GALK2: variants seen among roughly 807,000 people sequenced by gnomAD.
GALK2 encodes galactokinase 2, also known as N-acetylgalactosamine kinase.
A neutral mutation model predicts 52.4 loss-of-function variants in GALK2; 36 were observed. That is an observed-to-expected ratio of 0.69 (90% CI 0.53 to 0.91). The LOEUF (loss-of-function observed/expected upper bound fraction) is 0.91. Ranked by LOEUF, GALK2 falls within the 40% of genes least tolerant of loss-of-function variation. The probability of loss-of-function intolerance (pLI) is 0.00; values close to 1 mark genes in which losing one functional copy is unlikely to be tolerated. For missense variants in GALK2, 579 were observed against 559.1 expected (o/e 1.04, Z -0.36); for synonymous variants, 176 against 199.1 (o/e 0.88, Z 0.98).
intron 5 of GALK2, among the ~76,000 whole-genome samples, chr15:49,277,805 AC>A (rs1397864653): frequency 1.3e-5 from 2 of 151,934 alleles, no homozygotes; most frequent in Non-Finnish European, 2.9e-5. Context: ...AAACAAACGA[AC>A]AAACAAAAAA....
At chr15:49,182,065 A>G (rs1342698494) in intron 1 of GALK2, among the ~76,000 whole-genome samples, 1 of 152,128 alleles carries the variant, frequency 6.6e-6, no homozygotes, top group Non-Finnish European at 1.5e-5. Flanking sequence ...AATAACTGTT[A>G]TGCTGTCAAA....
chr15:49,315,389 C>T (rs2036318045), intron 8 of GALK2, among the ~76,000 whole-genome samples: 1 of 152,154 alleles, frequency 6.6e-6, no homozygotes, highest in Non-Finnish European at 1.5e-5. Context: ...CTGGAACATC[C>T]AGCTATAATG....
chr15:49,250,722 C>A (rs561481845), intron 5 of GALK2, among the ~76,000 whole-genome samples: 9 of 152,140 alleles, frequency 5.9e-5, no homozygotes, highest in African/African-American at 9.7e-5. Flanking sequence ...CCAGCCCTAA[C>A]ATTCTGTGAT....
chr15:49,163,712 C>T (rs1335415263), intron 1 of GALK2, among the ~76,000 whole-genome samples: 1 of 152,054 alleles, frequency 6.6e-6, no homozygotes, highest in Non-Finnish European at 1.5e-5. Context: ...CAATTATTTC[C>T]ATTTATTCAT....
chr15:49,247,211 G>A (rs2141548922), intron 5 of GALK2, among the ~76,000 whole-genome samples: 1 of 152,116 alleles, frequency 6.6e-6, no homozygotes, highest in East Asian at 1.9e-4. Context: ...CCTGTGGTTG[G>A]GGTGTGGTGA....
At chr15:49,264,603 C>G (rs545443983) in intron 5 of GALK2, among the ~76,000 whole-genome samples, 39 of 152,286 alleles carry the variant, frequency 2.6e-4, no homozygotes, top group Admixed American at 2.0e-3. Context: ...CAGCTTTGTT[C>G]CATTGCTGGT....
chr15:49,259,908 A>T (rs1451579268), intron 5 of GALK2, among the ~76,000 whole-genome samples: 13 of 151,366 alleles, frequency 8.6e-5, no homozygotes, highest in African/African-American at 2.9e-4. Context: ...AAGGATATGA[A>T]CTCATCATTT....
At chr15:49,191,878 C>A (rs905241966) in intron 1 of GALK2, among the ~76,000 whole-genome samples, 14 of 151,202 alleles carry the variant, frequency 9.3e-5, no homozygotes, top group African/African-American at 3.4e-4. Flanking sequence ...TTTTTCCATA[C>A]TTTTAATTTA....
At chr15:49,168,665 C>G (rs188620696), upstream of GALK2, among the ~76,000 whole-genome samples, 1 of 150,016 alleles carries the variant, frequency 6.7e-6, no homozygotes, top group African/African-American at 2.5e-5. Flanking sequence ...TTGTAGTGAA[C>G]AGAGATCATG....
chr15:49,204,671 T>A (rs1274674486), intron 2 of GALK2, among the ~76,000 whole-genome samples: 1 of 152,166 alleles, frequency 6.6e-6, no homozygotes, highest in Non-Finnish European at 1.5e-5. Flanking sequence ...ATTTTAAAAA[T>A]TTTTTCAAAG....
intron 5 of GALK2, among the ~76,000 whole-genome samples, chr15:49,264,108 C>T (rs1175722102): frequency 2.6e-5 from 4 of 151,534 alleles, no homozygotes; most frequent in African/African-American, 2.4e-5. Flanking sequence ...TGAATCTGAA[C>T]GTTGGCCTGC....
downstream of GALK2, among the ~76,000 whole-genome samples, chr15:49,334,610 T>A (rs920729743): frequency 6.6e-6 from 1 of 152,064 alleles, no homozygotes; most frequent in East Asian, 1.9e-4. Flanking sequence ...TGTGTGGACG[T>A]ACACATGCGT....
chr15:49,197,035 C>T lies in GALK2; in HGVS notation c.54-4127C>T, dbSNP rs1005305886. Among the ~76,000 whole-genome samples the T allele has an allele frequency of 1.7e-4, 26 of 152,170 alleles. 1 individual carries two copies. The highest frequency in any genetic ancestry group is 3.1e-4 in the Non-Finnish European group (21 of 68,032). Reference sequence around the variant, plus strand: ...CCAGGAGTTCTAGGCTGCAGCGAGCCGTGATCATGCCACTGCCCATTGAAC... The same window carrying T: ...CCAGGAGTTCTAGGCTGCAGCGAGCTGTGATCATGCCACTGCCCATTGAAC... On this transcript the variant is annotated intron_variant, in intron 1 of 9. Transcript: ENST00000560031.
upstream of GALK2, chr15:49,170,178 C>T (rs565885520): frequency 1.4e-5 from 20 of 1,469,204 alleles, no homozygotes; most frequent in African/African-American, 2.7e-4. Context: ...GAAGCAGCCA[C>T]CTCAGCGAAG....
intron 3 of GALK2, among the ~76,000 whole-genome samples, chr15:49,341,512 T>G (rs1447154648): frequency 6.6e-6 from 1 of 152,120 alleles, no homozygotes; most frequent in Non-Finnish European, 1.5e-5. Flanking sequence ...TGTGCCACCA[T>G]GCCTAATTTT....
chr15:49,167,614 C>G (rs924076018), upstream of GALK2, among the ~76,000 whole-genome samples: 7 of 152,196 alleles, frequency 4.6e-5, no homozygotes, highest in African/African-American at 1.7e-4. Context: ...CCACCTTGGC[C>G]TCCCAAAGTG....
At chr15:49,183,633 C>T (rs1000127130) in intron 1 of GALK2, among the ~76,000 whole-genome samples, 4 of 152,118 alleles carry the variant, frequency 2.6e-5, no homozygotes, top group Admixed American at 6.6e-5. Context: ...CACTTGAGGT[C>T]GGGAGTTTGA....
At chr15:49,285,153 C>T (rs2033199664) in intron 7 of GALK2, among the ~76,000 whole-genome samples, 1 of 152,158 alleles carries the variant, frequency 6.6e-6, no homozygotes. Flanking sequence ...CTTAGGCCAC[C>T]AAAGGTTTTT....
At chr15:49,289,392 C>T (rs1485252430) in intron 7 of GALK2, among the ~76,000 whole-genome samples, 1 of 152,176 alleles carries the variant, frequency 6.6e-6, no homozygotes, top group Non-Finnish European at 1.5e-5. Context: ...TAGAAGTTGA[C>T]TAAAAAGTAG....
Sources: gnomAD v4.1 joint callset for allele counts (sites outside exome capture counted in the v4.1 genomes callset) on GRCh38, gnomAD v4.1.1 for gene constraint, MANE v1.5 for transcripts, NCBI Gene and HGNC (gene_info 2026-07-23, HGNC 2026-07-21) for gene names.